Variants in SCOC observed in about 807,000 individuals in gnomAD.
The protein encoded by SCOC is short coiled coil protein.
Under a neutral mutation model 9.9 loss-of-function variants are expected in SCOC, and 7 were observed. The observed-to-expected ratio is 0.71, with a 90% CI of 0.40 to 1.33. The LOEUF is 1.33. Ranked by LOEUF, SCOC falls within the 40% of genes most tolerant of loss-of-function variation. The probability of loss-of-function intolerance (pLI) is 0.01; values close to 1 mark genes in which losing one functional copy is unlikely to be tolerated. For missense variants in SCOC, 66 were observed against 89.7 expected (o/e 0.74, Z 1.07); for synonymous variants, 19 against 28.2 (o/e 0.67, Z 1.03).
upstream of SCOC, among the ~76,000 whole-genome samples, chr4:140,370,857 T>C (rs577422737): frequency 1.3e-5 from 2 of 152,224 alleles, no homozygotes; most frequent in African/African-American, 4.8e-5. Flanking sequence ...CATATATTTA[T>C]CTTGAGTTGT....
chr4:140,269,282 G>A (rs1730791976), intron 1 of SCOC, among the ~76,000 whole-genome samples: 1 of 152,180 alleles, frequency 6.6e-6, no homozygotes, highest in African/African-American at 2.4e-5. Flanking sequence ...TGAGTGTTTT[G>A]ACGACCAATA....
At chr4:140,340,783 C>CTTT (rs36136647), upstream of SCOC, among the ~76,000 whole-genome samples, 7 of 40,446 alleles carry the variant, frequency 1.7e-4, 2 homozygotes, top group African/African-American at 3.8e-4. Flanking sequence ...TGCTGCCTAA[C>CTTT]TTTTTTTTTT....
intron 1 of SCOC, among the ~76,000 whole-genome samples, chr4:140,317,565 G>C (rs906934788): frequency 6.6e-6 from 1 of 151,222 alleles, no homozygotes; most frequent in Non-Finnish European, 1.5e-5. Context: ...ATTGCTCACT[G>C]GGGGAGCTCA....
At chr4:140,259,029 G>A (rs556385421) in intron 1 of SCOC, among the ~76,000 whole-genome samples, 18 of 152,316 alleles carry the variant, frequency 1.2e-4, no homozygotes, top group East Asian at 7.7e-4. Context: ...GGAATTGGAC[G>A]TCTCTTTCAT....
intron 1 of SCOC, among the ~76,000 whole-genome samples, chr4:140,282,078 T>C (rs1198147887): frequency 2.6e-5 from 4 of 152,220 alleles, no homozygotes; most frequent in Non-Finnish European, 4.4e-5. Flanking sequence ...GGATTTTCCA[T>C]GATTCTGTAA....
At chr4:140,374,277 G>A (rs766245965) in intron 1 of SCOC, 27 of 411,928 alleles carry the variant, frequency 6.6e-5, no homozygotes, top group South Asian at 4.5e-4. Context: ...GTTTTGGGAA[G>A]AAAGGTTTGG....
chr4:140,286,369 A>G (rs1731268511), intron 1 of SCOC, among the ~76,000 whole-genome samples: 1 of 151,892 alleles, frequency 6.6e-6, no homozygotes, highest in African/African-American at 2.4e-5. Context: ...CTGAAAAAAA[A>G]AAACACAAAA....
At chr4:140,337,243 T>G (rs1008974161) in intron 1 of SCOC, among the ~76,000 whole-genome samples, 1 of 152,234 alleles carries the variant, frequency 6.6e-6, no homozygotes, top group East Asian at 1.9e-4. Context: ...TTAATTTTTA[T>G]GAAGTCCAAT....
At chr4:140,265,637 A>G (rs1212453480) in intron 1 of SCOC, among the ~76,000 whole-genome samples, 1 of 152,242 alleles carries the variant, frequency 6.6e-6, no homozygotes, top group Non-Finnish European at 1.5e-5. Flanking sequence ...ACATCTGGCC[A>G]CATTTGATTG....
chr4:140,371,576 T>C (rs1207678692), upstream of SCOC, among the ~76,000 whole-genome samples: 1 of 152,162 alleles, frequency 6.6e-6, no homozygotes, highest in African/African-American at 2.4e-5. Context: ...TGAATAATAG[T>C]TTTTTCCCCA....
intron 2 of SCOC, among the ~76,000 whole-genome samples, chr4:140,352,030 G>A (rs1015337406): frequency 7.2e-5 from 11 of 152,188 alleles, no homozygotes; most frequent in African/African-American, 1.9e-4. Flanking sequence ...AGACAACTGC[G>A]CAGATGAGAG....
chr4:140,308,537 T>C (rs1732056072), intron 1 of SCOC, among the ~76,000 whole-genome samples: 1 of 152,174 alleles, frequency 6.6e-6, no homozygotes, highest in African/African-American at 2.4e-5. Context: ...CCAAGATTCT[T>C]TGATGACACC....
At chr4:140,341,328 A>G (rs1726504900), upstream of SCOC, among the ~76,000 whole-genome samples, 1 of 152,176 alleles carries the variant, frequency 6.6e-6, no homozygotes, top group Non-Finnish European at 1.5e-5. Flanking sequence ...CCCTCACATG[A>G]TAATTTTATT....
intron 2 of SCOC, among the ~76,000 whole-genome samples, chr4:140,365,164 G>A (rs893884164): frequency 1.8e-4 from 19 of 107,232 alleles, no homozygotes; most frequent in African/African-American, 5.0e-4. Flanking sequence ...TGAAAGATAT[G>A]GATATGGCAA....
chr4:140,344,579 C>T (rs1156780952), intron 2 of SCOC, among the ~76,000 whole-genome samples: 1 of 152,188 alleles, frequency 6.6e-6, no homozygotes, highest in East Asian at 1.9e-4. Context: ...CCAGCCAGAC[C>T]TAAGCTTCCC....
intron 1 of SCOC, among the ~76,000 whole-genome samples, chr4:140,304,589 T>C (rs1365412114): frequency 6.6e-6 from 1 of 152,152 alleles, no homozygotes; most frequent in African/African-American, 2.4e-5. Flanking sequence ...GATACTAATG[T>C]CTTCATTACT....
rs142320004 is a variant in SCOC at position 140,274,977 on chromosome 4, C to T, written c.-19+17567C>T. Among the ~76,000 whole-genome samples the T allele has an allele frequency of 3.5e-4, 54 of 152,220 alleles. 2 individuals carry two copies. The East Asian group carries it at 7.5e-3, about 21-fold the overall frequency. ...AGATCTTTGGTGATGCTGGTACATT[C>T]GCATGGAATTTTATCTTCCCCATCT... On this transcript the variant is annotated intron_variant, in intron 1 of 4. Coordinates refer to the SCOC transcript ENST00000394205.
chr4:140,362,345 G>C (rs1312225039), intron 2 of SCOC, among the ~76,000 whole-genome samples: 6 of 56,728 alleles, frequency 1.1e-4, no homozygotes, highest in East Asian at 4.9e-4. Flanking sequence ...GCCCAGGCTG[G>C]AGTGCAGTAG....
At chr4:140,259,702 A>C (rs1730586629) in intron 1 of SCOC, among the ~76,000 whole-genome samples, 1 of 152,172 alleles carries the variant, frequency 6.6e-6, no homozygotes, top group South Asian at 2.1e-4. Context: ...GAGTGAGACC[A>C]TGTCTCCAAA....
Sources: allele counts gnomAD v4.1 joint callset (sites outside exome capture counted in the v4.1 genomes callset), GRCh38; gene constraint gnomAD v4.1.1; transcripts MANE v1.5; gene names NCBI Gene and HGNC (gene_info 2026-07-23, HGNC 2026-07-21).